DSP: variants seen among roughly 807,000 people sequenced by gnomAD.
The protein encoded by DSP is 250/210 kDa paraneoplastic pemphigus antigen.
Under a neutral mutation model 290.6 loss-of-function variants are expected in DSP, and 114 were observed. The ratio of observed to expected loss-of-function variants is 0.39; its 90% CI spans 0.34 to 0.46. The LOEUF (loss-of-function observed/expected upper bound fraction) is 0.46, where lower values mean the gene tolerates loss of function less well. Among genes scored for constraint, DSP ranks in the 20% least tolerant of loss-of-function variants. DSP has a pLI of 0.99. For synonymous variants in DSP, 1,311 were observed against 1,316.4 expected (o/e 1.00, Z 0.09); for missense variants, 3,230 against 3,495.8 (o/e 0.92, Z 1.92).
intron 20 of DSP, 132 bp downstream of exon 20, chr6:7,577,174 C>A: frequency 1.5e-6 from 1 of 688,510 alleles, no homozygotes; most frequent in Non-Finnish European, 2.3e-6. Context: ...CTTTTCTGAA[C>A]AAACCATAAA....
rs767174407 is a variant in DSP at position 7,580,332 on chromosome 6, C to G, written c.4142C>G (p.Thr1381Ser). 7 of 1,613,996 alleles carry G rather than the reference C, an allele frequency of 4.3e-6. No homozygotes were observed. In the South Asian group the frequency reaches 6.6e-5, roughly 15 times the overall value. Residue 1381 changes from threonine (T) to serine (S), a missense_variant, in exon 23 of 24, where the codon ACC becomes AGC. By Grantham distance (58) the Thr-to-Ser change is moderately conservative. Around this residue, in one of 5 missense-constraint regions of DSP, gnomAD observed 1,714 missense variants for 1,844.5 expected, o/e 0.93. Transcript: ENST00000379802. This position sits in a 1 kb window ranked among gnomAD's most constrained non-coding sequence, Gnocchi z 4.2. The stretch of plus-strand genomic sequence containing the variant: ...ACCAAGACCACCATCCACCAGCTCA[C>G]CATGCAGAAGGAAGAGGATACCAGT... ...NITKTTIHQL[T>S]MQKEEDTSGY...
At chr6:7,550,795 CTTTTTTT>C (rs1356712048) in intron 1 of DSP, among the ~76,000 whole-genome samples, 1 of 140,536 alleles carries the variant, frequency 7.1e-6, no homozygotes, top group Admixed American at 7.1e-5. Flanking sequence ...TTTTCTTTTT[CTTTTTTT>C]TTTTTTAAAA....
chr6:7,563,603 A>G (rs1758767942), intron 5 of DSP, 133 bp from the exon 6 acceptor site: 2 of 789,664 alleles, frequency 2.5e-6, no homozygotes, highest in Non-Finnish European at 4.4e-6. Context: ...AATATCTCAT[A>G]GAGCTAGTAA....
In DSP at chr6:7,581,109, T is replaced by C; in HGVS notation, c.4919T>C (p.Leu1640Pro). 1.2e-6 allele frequency: 2 copies of C among 1,614,080 alleles called. No individual in the cohort carries two copies. The highest frequency in any genetic ancestry group is 2.2e-5 in the East Asian group (1 of 44,880). Residue 1640 changes from leucine (L) to proline (P), a missense_variant, in exon 23 of 24, where the codon CTG (leucine) becomes CCG (proline). Leu to Pro is a moderately conservative substitution (Grantham distance 98). This residue lies in a region of DSP where 1,714 missense variants were observed against 1,844.5 expected (regional missense o/e 0.93). Coordinates refer to ENST00000379802, the MANE Select transcript of DSP (RefSeq NM_004415.4). ...GACCTCCGGCAGCAGAGGGACGTGCTGGATGGCCACCTGAGGGAAAAGCAG... is the reference window on the plus strand; with the variant it reads ...GACCTCCGGCAGCAGAGGGACGTGCCGGATGGCCACCTGAGGGAAAAGCAG... ...EDDLRQQRDV[L>P]DGHLREKQRT...
In DSP at chr6:7,582,737, C is replaced by T; in HGVS notation, c.5475C>T (p.Asp1825=). ...LLVKIKVLEQ[D]KARLQRLEDE... ...TGAAAATCAAAGTCCTGGAGCAAGA[C>T]AAGGCAAGGCTGCAGAGGCTGGAGG... is the stretch of plus-strand genomic sequence containing the variant. Residue 1825 remains aspartate (D), a synonymous_variant, in exon 24 of 24, where the codon GAC becomes GAT. Transcript: ENST00000379802. This position sits in a 1 kb window ranked among gnomAD's most constrained non-coding sequence, Gnocchi z 4.2. 1 of 1,613,554 alleles carries T rather than the reference C, an allele frequency of 6.2e-7. No individual in the cohort carries two copies. Among genetic ancestry groups the T allele is most frequent in the South Asian group, 1.1e-5 (1 of 91,048 alleles).
Position 7,555,693 on chromosome 6 carries a change from G to T in DSP, c.171-25G>T, listed in dbSNP as rs1758486314. 6 of 1,605,132 alleles carry T rather than the reference G, an allele frequency of 3.7e-6. No individual in the cohort carries two copies. In the East Asian group the frequency reaches 1.3e-4, roughly 36 times the overall value. On this transcript the variant is annotated intron_variant, in intron 1 of 23. Transcript: ENST00000379802. ...AATTGAAATAGGTTATTTGATGTCTGGTTTCTCTGTGTTTGCCTCCTTAGT... is the reference window on the plus strand; with the variant it reads ...AATTGAAATAGGTTATTTGATGTCTTGTTTCTCTGTGTTTGCCTCCTTAGT...
rs764994940 is a variant in DSP, at chr6:7,585,346, T to G, written c.8084T>G (p.Phe2695Cys). 2 of 1,614,042 alleles carry G rather than the reference T, an allele frequency of 1.2e-6. No homozygotes were observed. Among genetic ancestry groups the G allele is most frequent in the Non-Finnish European group, 1.7e-6 (2 of 1,180,018 alleles). ...ATRLKPAQKA[F>C]IGFEGVKGKK... ...AGGCTGAAGCCTGCTCAGAAAGCCT[T>G]CATAGGCTTCGAGGGTGTGAAGGGA... The change falls in exon 24 of 24, where the codon TTC becomes TGC. Residue 2695 changes from phenylalanine (F) to cysteine (C), a missense_variant. Phe to Cys is a radical substitution (Grantham distance 205). Around this residue, in one of 5 missense-constraint regions of DSP, gnomAD observed 582 missense variants for 555.4 expected, o/e 1.05. Coordinates refer to ENST00000379802, the MANE Select transcript of DSP (RefSeq NM_004415.4).
At chr6:7,566,536 T>A in intron 8 of DSP, 55 bp downstream of exon 8, 1 of 1,388,454 alleles carries the variant, frequency 7.2e-7, no homozygotes, top group Non-Finnish European at 1.0e-6. Flanking sequence ...TTTCATAAAG[T>A]AAGACTAACC....
rs779604095 is a variant in DSP, at chr6:7,581,035, G to C, written c.4845G>C (p.Leu1615=). 17 of 1,613,904 alleles carry C rather than the reference G, an allele frequency of 1.1e-5. No individual in the cohort carries two copies. Among genetic ancestry groups the C allele is most frequent in the Non-Finnish European group, 1.1e-5 (13 of 1,180,028 alleles). ...AGCAAGCCATCAAAATCACCAACCTGACCCAGCAGCTGGAGCAGGCATCCA... is the reference window on the plus strand; with the variant it reads ...AGCAAGCCATCAAAATCACCAACCTCACCCAGCAGCTGGAGCAGGCATCCA... ...LKEQAIKITN[L]TQQLEQASIV... Residue 1615 remains leucine (L), a synonymous_variant, in exon 23 of 24, where the codon CTG becomes CTC. Coordinates refer to ENST00000379802, the MANE Select transcript of DSP (RefSeq NM_004415.4).
At chr6:7,573,552 TG>T (rs1759126219) in intron 15 of DSP, among the ~76,000 whole-genome samples, 1 of 148,830 alleles carries the variant, frequency 6.7e-6, no homozygotes, top group Admixed American at 6.8e-5. Flanking sequence ...CACTCCAGCC[TG>T]GGCGACAGAG....
In DSP at chr6:7,565,590, G is replaced by A. The variant is rs1758838334; in HGVS notation, c.939+70G>A. On this transcript the variant is annotated intron_variant, in intron 7 of 23. Coordinates refer to ENST00000379802, the MANE Select transcript of DSP (RefSeq NM_004415.4). This position sits in a 1 kb window ranked among gnomAD's most constrained non-coding sequence, Gnocchi z 4.2. ...TGCCTTGAAGAGCTGGGGTCTCGGG[G>A]AATGATTGGTCTATTAATAATTTAA... 1 of 1,577,432 alleles carries A rather than the reference G, an allele frequency of 6.3e-7. No individual in the cohort carries two copies. The highest frequency in any genetic ancestry group is 1.3e-5 in the African/African-American group (1 of 74,152).
chr6:7,544,795 C>G (rs1581781479), intron 1 of DSP, among the ~76,000 whole-genome samples: 1 of 152,052 alleles, frequency 6.6e-6, no homozygotes, highest in African/African-American at 2.4e-5. Context: ...CTTTTTCCCC[C>G]GACCACCTGC....
At chr6:7,558,530 TTTGAGACAGGGTCTCGC>T (rs1758574497) in intron 3 of DSP, among the ~76,000 whole-genome samples, 1 of 138,058 alleles carries the variant, frequency 7.2e-6, no homozygotes, top group Non-Finnish European at 1.6e-5. Context: ...TTTTTTTTTT[TTTGAGACAGGGTCTCGC>T]TCTGTCACCC....
Position 7,579,152 on chromosome 6 carries a change from T to C in DSP, c.3085-123T>C. 7.4e-7 allele frequency: 1 copy of C among 1,350,692 alleles called. No individual in the cohort carries two copies. The highest frequency in any genetic ancestry group is 2.5e-5 in the East Asian group (1 of 40,134). 83.7% of individuals were successfully genotyped at this position (1,350,692 alleles called of 1,614,324 possible). ...AATATTTGCCTAGTCACTCTTTGCA[T>C]GTATGTCCATGTGTGTAAAGAGAAA... On this transcript the variant is annotated intron_variant, in intron 22 of 23. Coordinates refer to ENST00000379802, the MANE Select transcript of DSP (RefSeq NM_004415.4). This position sits in a 1 kb window ranked among gnomAD's most constrained non-coding sequence, Gnocchi z 4.1.
In DSP at chr6:7,580,204, C is replaced by G; in HGVS notation, c.4014C>G (p.Ala1338=). ...TCAAAGCTGAGTTTCAGGAGGAGGCCAAGCGCCGCTGGGAATATGAAAATG... is the reference window on the plus strand; with the variant it reads ...TCAAAGCTGAGTTTCAGGAGGAGGCGAAGCGCCGCTGGGAATATGAAAATG... The part of the protein sequence containing the change: ...ERLKAEFQEE[A]KRRWEYENEL... The change falls in exon 23 of 24, where the codon GCC becomes GCG. Residue 1338 remains alanine (A), a synonymous_variant. Coordinates refer to ENST00000379802, the MANE Select transcript of DSP (RefSeq NM_004415.4). The surrounding 1 kb of genome is among the most constrained non-coding windows in gnomAD (Gnocchi z 4.2). 1 of 1,613,972 alleles carries G rather than the reference C, an allele frequency of 6.2e-7. No homozygotes were observed. The highest frequency in any genetic ancestry group is 8.5e-7 in the Non-Finnish European group (1 of 1,180,012).
rs1376553167 is a variant in DSP, at chr6:7,583,772, A to G, written c.6510A>G (p.Lys2170=). The G allele has an allele frequency of 6.2e-7, 1 of 1,614,002 alleles. No homozygotes were observed. Among genetic ancestry groups the G allele is most frequent in the Non-Finnish European group, 8.5e-7 (1 of 1,180,026 alleles). The change falls in exon 24 of 24, where the codon AAA becomes AAG. Residue 2170 remains lysine (K), a synonymous_variant. Coordinates refer to ENST00000379802, the MANE Select transcript of DSP (RefSeq NM_004415.4). The surrounding 1 kb of genome is among the most constrained non-coding windows in gnomAD (Gnocchi z 4.0). The stretch of plus-strand genomic sequence containing the variant: ...TGAATGATCCCCGAGATAGTCAGAA[A>G]AACTTTGTGGATCCAGTCACCAAAA... ...RSLNDPRDSQ[K]NFVDPVTKKK... is the part of the protein sequence containing the mutation.
At chr6:7,544,453 T>C (rs1168674842) in intron 1 of DSP, among the ~76,000 whole-genome samples, 2 of 151,974 alleles carry the variant, frequency 1.3e-5, no homozygotes, top group East Asian at 1.9e-4. Flanking sequence ...CCGAAGGTTT[T>C]CTAAATAAAG....
In DSP at chr6:7,541,887, C is replaced by A; in HGVS notation, c.-29C>A. ...GGCCCGCCTCGCTTATGCCTCGGCG[C>A]TGAGCCGCTCTCCCGATTGCCCGCC... On this transcript the variant is annotated 5_prime_UTR_variant, in exon 1 of 24. In the 5' UTR this introduces an upstream ATG that the reference lacks. Coordinates refer to ENST00000379802, the MANE Select transcript of DSP (RefSeq NM_004415.4). The A allele has an allele frequency of 6.3e-7, 1 of 1,598,952 alleles. No homozygotes were observed.
In DSP at chr6:7,577,853, G is replaced by A. The variant is rs1335121578; in HGVS notation, c.2952G>A (p.Met984Ile). Residue 984 changes from methionine to isoleucine, a missense_variant, in exon 21 of 24, where the codon ATG becomes ATA. Physicochemically the swap from Met to Ile is conservative, Grantham distance 10 (BLOSUM62 1). Transcript: ENST00000379802. ...TLLNIPIKRT[M>I]IQSPSGVILQ... ...TGAACATACCTATCAAGAGGACCAT[G>A]ATTCAGTCCCCTTCTGGGGTGATTC... is the stretch of plus-strand genomic sequence containing the variant. The A allele has an allele frequency of 3.1e-6, 5 of 1,614,166 alleles. No homozygotes were observed. The highest frequency in any genetic ancestry group is 2.2e-5 in the South Asian group (2 of 91,084).
Sources: gnomAD v4.1 joint callset for allele counts (sites outside exome capture counted in the v4.1 genomes callset) on GRCh38, gnomAD v4.1.1 for gene constraint, gnomAD v4.1.1 regional missense constraint, Gnocchi (gnomAD v3.1) non-coding constraint, MANE v1.5 for transcripts, NCBI Gene and HGNC (gene_info 2026-07-23, HGNC 2026-07-21) for gene names.